The following TSC22D3 variants were observed in gnomAD, a reference collection of about 807,000 sequenced individuals.
TSC22D3 encodes the protein TSC22 domain family member 3.
Under a neutral mutation model 11.1 loss-of-function variants are expected in TSC22D3, and 4 were observed. The ratio of observed to expected loss-of-function variants is 0.36; its 90% confidence interval spans 0.18 to 0.83. The LOEUF (loss-of-function observed/expected upper bound fraction) is 0.83. Among genes scored for constraint, TSC22D3 ranks in the 40% least tolerant of loss-of-function variants. The pLI is 0.48. For missense variants in TSC22D3, 118 were observed against 159.4 expected (o/e 0.74, Z 1.40); for synonymous variants, 77 against 70.3 (o/e 1.10, Z -0.48).
intron 1 of TSC22D3, among the ~76,000 whole-genome samples, chrX:107,745,611 G>A (rs1928613030): frequency 8.9e-6 from 1 of 112,321 alleles, no homozygotes; most frequent in African/African-American, 3.2e-5. Context: ...AGACTGACTA[G>A]CTTGAAATTT....
intron 1 of TSC22D3, among the ~76,000 whole-genome samples, chrX:107,742,001 G>A (rs1460492310): frequency 9.0e-6 from 1 of 111,231 alleles, no homozygotes; most frequent in Non-Finnish European, 1.9e-5. Context: ...CACACCCGGA[G>A]CACGAGCCTG....
chrX:107,720,135 CT>C (rs11323476), intron 1 of TSC22D3, among the ~76,000 whole-genome samples: 1,791 of 109,679 alleles, frequency 0.016, 36 homozygotes, highest in African/African-American at 0.056. Flanking sequence ...CTTTTTCCCC[CT>C]ATTCCAGCTT....
chrX:107,775,333 G>C lies in TSC22D3; in HGVS notation c.87C>G (p.Leu29=). ...TGTTCTCCCCGCTGCTGCCTCGCTG[G>C]AGCCCACTCCGATGGGCCAGGTCCA... ...CCLDLAHRSG[L]QRGSSGENNN... The change falls in exon 1 of 3, where the codon CTC becomes CTG. Residue 29 remains leucine (L), a synonymous_variant. Coordinates refer to ENST00000372383, the MANE Select transcript of TSC22D3 (RefSeq NM_198057.3). 3 of 1,210,916 alleles carry C rather than the reference G, an allele frequency of 2.5e-6. No individual in the cohort carries two copies. The highest frequency in any genetic ancestry group is 3.4e-6 in the Non-Finnish European group (3 of 895,000).
At position 107,775,493 on chromosome X, in the gene TSC22D3, T is replaced by A; in HGVS notation, c.-74A>T. Reference sequence around the variant, plus strand: ...CAGGTGCGCGCCCACCGAGCTGGCCTGAGGGGACTCCAGGGTGCCTGGAAA... The same window carrying A: ...CAGGTGCGCGCCCACCGAGCTGGCCAGAGGGGACTCCAGGGTGCCTGGAAA... On this transcript the variant is annotated 5_prime_UTR_variant, in exon 1 of 3. Coordinates refer to ENST00000372383, the MANE Select transcript of TSC22D3 (RefSeq NM_198057.3). The A allele has an allele frequency of 1.2e-6, 1 of 861,845 alleles. No homozygotes were observed. The highest frequency in any genetic ancestry group is 1.6e-6 in the Non-Finnish European group (1 of 629,625). The allele number at this position is 861,845 out of a possible 1,213,427, so 71.0% of individuals were successfully genotyped here.
At chrX:107,719,000 C>T (rs745703067) in intron 1 of TSC22D3, among the ~76,000 whole-genome samples, 38 of 111,928 alleles carry the variant, frequency 3.4e-4, no homozygotes, top group Admixed American at 1.3e-3. Flanking sequence ...TTGCCCTCTG[C>T]ACCACATAGA....
chrX:107,754,480 T>C (rs1369631865), intron 1 of TSC22D3, among the ~76,000 whole-genome samples: 1 of 111,785 alleles, frequency 8.9e-6, no homozygotes, highest in Non-Finnish European at 1.9e-5. Flanking sequence ...GCCTGGAATT[T>C]TGTGATTGCT....
rs575814591 is a variant in TSC22D3 at position 107,754,375 on chromosome X, T to C, written c.320+20725A>G. 2.9e-4 allele frequency among the ~76,000 whole-genome samples: 33 copies of C among 111,914 alleles called. No homozygotes were observed. The Admixed American group carries it at 3.1e-3, about 11-fold the overall frequency. On this transcript the variant is annotated intron_variant, in intron 1 of 2. Transcript: ENST00000372383. ...CATTTGTGAGTGGGTAATTTATTTTTGAAAAAACTTTCTTTATGCACTACT... is the reference window on the plus strand; with the variant it reads ...CATTTGTGAGTGGGTAATTTATTTTCGAAAAAACTTTCTTTATGCACTACT...
intron 1 of TSC22D3, among the ~76,000 whole-genome samples, chrX:107,768,538 C>T (rs1357221546): frequency 6.2e-5 from 7 of 112,534 alleles, no homozygotes; most frequent in African/African-American, 1.9e-4. Context: ...AGATGAAATT[C>T]AAGCTCTGTG....
At chrX:107,726,126 AC>A (rs1417308118) in intron 1 of TSC22D3, among the ~76,000 whole-genome samples, 4 of 108,740 alleles carry the variant, frequency 3.7e-5, no homozygotes, top group Non-Finnish European at 5.7e-5. Flanking sequence ...TACCATCCTC[AC>A]CCCATTCCAT....
chrX:107,756,893 G>A (rs780489599), intron 1 of TSC22D3, among the ~76,000 whole-genome samples: 4 of 112,540 alleles, frequency 3.6e-5, no homozygotes, highest in Admixed American at 2.8e-4. Flanking sequence ...GCCTGTCCAC[G>A]CAGAGCTCAC....
At chrX:107,749,725 G>A (rs1458143914) in intron 1 of TSC22D3, among the ~76,000 whole-genome samples, 1 of 112,291 alleles carries the variant, frequency 8.9e-6, no homozygotes, top group Non-Finnish European at 1.9e-5. Context: ...GATCACTCCA[G>A]TGGCACACAC....
chrX:107,721,074 C>T (rs1927304119), intron 1 of TSC22D3, among the ~76,000 whole-genome samples: 1 of 111,987 alleles, frequency 8.9e-6, no homozygotes, highest in Non-Finnish European at 1.9e-5. Context: ...AGAGCCAACA[C>T]GGCAACAGCA....
intron 1 of TSC22D3, among the ~76,000 whole-genome samples, chrX:107,752,066 G>A (rs1310144530): frequency 8.9e-6 from 1 of 112,543 alleles, no homozygotes; most frequent in African/African-American, 3.2e-5. Context: ...AGGAGATCAG[G>A]AAAGTTTTGG....
chrX:107,721,818 GC>G, intron 1 of TSC22D3: 1 of 473,149 alleles, frequency 2.1e-6, no homozygotes. Flanking sequence ...TCCACTACGG[GC>G]CCCCTCCATC....
chrX:107,753,498 C>T (rs1315550628), intron 1 of TSC22D3, among the ~76,000 whole-genome samples: 2 of 111,120 alleles, frequency 1.8e-5, no homozygotes, highest in Admixed American at 9.6e-5. Flanking sequence ...ATGGGTCAGA[C>T]GATCAGACCA....
At chrX:107,757,987 C>T (rs1929252912) in intron 1 of TSC22D3, among the ~76,000 whole-genome samples, 1 of 111,216 alleles carries the variant, frequency 9.0e-6, no homozygotes, top group Non-Finnish European at 1.9e-5. Flanking sequence ...GATTGCACCA[C>T]TGCACTCCAG....
At chrX:107,735,741 A>G (rs967572890) in intron 1 of TSC22D3, among the ~76,000 whole-genome samples, 3 of 100,091 alleles carry the variant, frequency 3.0e-5, no homozygotes, top group Non-Finnish European at 6.0e-5. Flanking sequence ...CCAGCTGACT[A>G]TTGCTCTCAG....
rs778419854 is a variant in TSC22D3 at position 107,714,787 on chromosome X, C to T, written c.373-38G>A. ...GAATCATAACAAAGCCATTCCTTAG[C>T]CATCGTGGCCCCTCTGCAGCACCTT... On this transcript the variant is annotated intron_variant, in intron 2 of 2. Coordinates refer to ENST00000372383, the MANE Select transcript of TSC22D3 (RefSeq NM_198057.3). The T allele has an allele frequency of 7.8e-6, 9 of 1,156,364 alleles. No homozygotes were observed. The South Asian group carries it at 1.6e-4, about 21-fold the overall frequency.
chrX:107,756,169 G>A (rs776784678), intron 1 of TSC22D3, among the ~76,000 whole-genome samples: 1 of 112,100 alleles, frequency 8.9e-6, no homozygotes, highest in South Asian at 3.7e-4. Flanking sequence ...ACACAGTGTA[G>A]TAGCATGTTC....
Sources: allele counts gnomAD v4.1 joint callset (sites outside exome capture counted in the v4.1 genomes callset), GRCh38; gene constraint gnomAD v4.1.1; transcripts MANE v1.5; gene names NCBI Gene and HGNC (gene_info 2026-07-23, HGNC 2026-07-21).